Variants in GABRR2 observed in about 807,000 individuals in gnomAD.
GABRR2 encodes gamma-aminobutyric acid type A receptor subunit rho2, also known as gamma-aminobutyric acid receptor subunit rho-2.
A neutral mutation model predicts 47.0 loss-of-function variants in GABRR2; 36 were observed. The ratio of observed to expected loss-of-function variants is 0.77; its 90% CI spans 0.59 to 1.01. The LOEUF is 1.01. GABRR2 is among the 50% of genes least tolerant of loss of function. GABRR2 has a pLI of 0.00. For synonymous variants in GABRR2, 204 were observed against 227.5 expected (o/e 0.90, Z 0.93); for missense variants, 587 against 594.6 (o/e 0.99, Z 0.13).
intron 2 of GABRR2, among the ~76,000 whole-genome samples, chr6:89,289,031 C>A (rs1308872173): frequency 6.6e-6 from 1 of 152,134 alleles, no homozygotes; most frequent in African/African-American, 2.4e-5. Context: ...AAAAAAAGGT[C>A]ATATACTGAG....
chr6:89,302,765 G>C, intron 1 of GABRR2: 1 of 1,444,750 alleles, frequency 6.9e-7, no homozygotes, highest in Non-Finnish European at 9.5e-7. Context: ...TGTCCATCCA[G>C]AGCAAGAACA....
At chr6:89,307,965 C>T (rs1056705799) in intron 1 of GABRR2, among the ~76,000 whole-genome samples, 28 of 151,984 alleles carry the variant, frequency 1.8e-4, no homozygotes, top group African/African-American at 6.5e-4. Context: ...TACAGGCACC[C>T]GCCACCACAC....
chr6:89,311,703 G>A (rs765068500), intron 1 of GABRR2, among the ~76,000 whole-genome samples: 4 of 152,320 alleles, frequency 2.6e-5, no homozygotes, highest in East Asian at 1.9e-4. Flanking sequence ...TCAGGTGTTC[G>A]TGGGTGCCCC....
chr6:89,298,314 C>A (rs940790693), intron 2 of GABRR2, among the ~76,000 whole-genome samples: 1 of 152,194 alleles, frequency 6.6e-6, no homozygotes, highest in Non-Finnish European at 1.5e-5. Context: ...AACAGTCACA[C>A]AAGAGGAAGG....
chr6:89,284,436 C>A (rs906840656), intron 2 of GABRR2, among the ~76,000 whole-genome samples: 2 of 152,130 alleles, frequency 1.3e-5, no homozygotes, highest in Non-Finnish European at 2.9e-5. Context: ...ATTAAGGTAG[C>A]GAATCAGCTG....
chr6:89,298,909 A>G (rs1009565631), intron 2 of GABRR2, among the ~76,000 whole-genome samples: 9 of 152,186 alleles, frequency 5.9e-5, no homozygotes, highest in Admixed American at 3.3e-4. Flanking sequence ...TGCCCCACCC[A>G]CTATGTGAGG....
intron 2 of GABRR2, among the ~76,000 whole-genome samples, chr6:89,295,078 G>C (rs2127845653): frequency 1.3e-5 from 2 of 152,120 alleles, no homozygotes; most frequent in African/African-American, 4.8e-5. Context: ...CTTTGCTATT[G>C]TGAATAGCGC....
At chr6:89,269,264 A>G (rs369162796) in intron 3 of GABRR2, 30 bp from the exon 4 acceptor site, 1 of 1,566,434 alleles carries the variant, frequency 6.4e-7, no homozygotes, top group Non-Finnish European at 8.8e-7. Flanking sequence ...ACCAGACAAA[A>G]ATGGCTTAGA....
At chr6:89,282,895 C>T (rs543137745) in intron 2 of GABRR2, among the ~76,000 whole-genome samples, 13 of 152,224 alleles carry the variant, frequency 8.5e-5, no homozygotes, top group Admixed American at 5.9e-4. Flanking sequence ...TGTGCAGCTC[C>T]GTGTTCTTGA....
chr6:89,275,930 C>T lies in GABRR2; in HGVS notation c.221-4208G>A, dbSNP rs558369024. On this transcript the variant is annotated intron_variant, in intron 2 of 8. Coordinates refer to ENST00000402938, the MANE Select transcript of GABRR2 (RefSeq NM_002043.5). ...ATTAAAGCTCTCCGGAGTGGTAGTC[C>T]CCTCAAGCAACCTCGGGTGTTAATG... Among the ~76,000 whole-genome samples, 4 of 152,078 alleles carry T rather than the reference C, an allele frequency of 2.6e-5. No individual in the cohort carries two copies. The East Asian group carries it at 7.7e-4, about 29-fold the overall frequency.
intron 1 of GABRR2, among the ~76,000 whole-genome samples, chr6:89,307,469 A>G (rs976386191): frequency 1.3e-5 from 2 of 152,226 alleles, no homozygotes; most frequent in African/African-American, 4.8e-5. Context: ...AGAGATTTGA[A>G]TTTGACTGGT....
intron 1 of GABRR2, 121 bp downstream of exon 1, chr6:89,314,932 T>G: frequency 2.5e-6 from 2 of 799,242 alleles, no homozygotes; most frequent in Non-Finnish European, 2.1e-6. Flanking sequence ...AGTAGCTGGG[T>G]TCTCATTCTC....
intron 2 of GABRR2, among the ~76,000 whole-genome samples, chr6:89,288,572 G>A (rs1774373867): frequency 1.3e-5 from 2 of 152,292 alleles, no homozygotes; most frequent in Admixed American, 1.3e-4. Flanking sequence ...ATACATAAAT[G>A]CCTGTTATTT....
Position 89,257,995 on chromosome 6 carries a change from G to A in GABRR2, c.1087-14C>T. ...CATGCACGGGAACTATGGGCAGCAA[G>A]CACAAAGAACATCATTAAGCCTTGT... is the stretch of plus-strand genomic sequence containing the variant. On this transcript the variant is annotated splice_polypyrimidine_tract_variant and intron_variant, in intron 8 of 8. Transcript: ENST00000402938. The A allele has an allele frequency of 6.2e-7, 1 of 1,608,348 alleles. No homozygotes were observed. The highest frequency in any genetic ancestry group is 8.5e-7 in the Non-Finnish European group (1 of 1,177,130).
chr6:89,267,213 TG>T (rs1773918401), intron 6 of GABRR2, among the ~76,000 whole-genome samples: 1 of 152,158 alleles, frequency 6.6e-6, no homozygotes, highest in African/African-American at 2.4e-5. Context: ...TTGGCCAGGC[TG>T]GTCTCGAACT....
chr6:89,261,087 T>C (rs1165221427), intron 8 of GABRR2, among the ~76,000 whole-genome samples: 4 of 152,242 alleles, frequency 2.6e-5, no homozygotes, highest in African/African-American at 9.6e-5. Flanking sequence ...AGTCATACAG[T>C]TGCTGGCAAA....
At chr6:89,282,676 T>A (rs1774270139) in intron 2 of GABRR2, among the ~76,000 whole-genome samples, 1 of 152,198 alleles carries the variant, frequency 6.6e-6, no homozygotes, top group Admixed American at 6.5e-5. Context: ...TGGGATGGGA[T>A]CCTGGAAAGG....
At chr6:89,271,824 A>T in intron 2 of GABRR2, 102 bp from the exon 3 acceptor site, 1 of 859,204 alleles carries the variant, frequency 1.2e-6, no homozygotes, top group Non-Finnish European at 1.9e-6. Context: ...ACTGGAGCAG[A>T]GTAGGGCAGA....
chr6:89,282,650 G>T (rs913046719), intron 2 of GABRR2, among the ~76,000 whole-genome samples: 1 of 152,242 alleles, frequency 6.6e-6, no homozygotes, highest in African/African-American at 2.4e-5. Flanking sequence ...TTGGGAGAAA[G>T]TGTGGCAAGG....
Sources: gnomAD v4.1 joint callset for allele counts (sites outside exome capture counted in the v4.1 genomes callset) on GRCh38, gnomAD v4.1.1 for gene constraint, MANE v1.5 for transcripts, NCBI Gene and HGNC (gene_info 2026-07-23, HGNC 2026-07-21) for gene names.